ADGRG7: variants seen among roughly 807,000 people sequenced by gnomAD.
ADGRG7 encodes adhesion G protein-coupled receptor G7, also known as G-protein coupled receptor 128.
A neutral mutation model predicts 88.6 loss-of-function variants in ADGRG7; 82 were observed. That is an observed-to-expected ratio of 0.93 (90% CI 0.77 to 1.11). The LOEUF is 1.11. Ranked by LOEUF, ADGRG7 falls within the 50% of genes most tolerant of loss-of-function variation. ADGRG7 has a pLI of 0.00. For missense variants in ADGRG7, 945 were observed against 953.4 expected (o/e 0.99, Z 0.12); for synonymous variants, 381 against 345.2 (o/e 1.10, Z -1.15).
At chr3:100,612,463 T>C (rs1244082174) in intron 1 of ADGRG7, among the ~76,000 whole-genome samples, 2 of 152,216 alleles carry the variant, frequency 1.3e-5, no homozygotes, top group Non-Finnish European at 1.5e-5. Flanking sequence ...AGAAGCAGTA[T>C]AGCTTTTGGG....
intron 1 of ADGRG7, among the ~76,000 whole-genome samples, chr3:100,627,832 T>C (rs1207538745): frequency 6.6e-6 from 1 of 152,144 alleles, no homozygotes; most frequent in Non-Finnish European, 1.5e-5. Flanking sequence ...TTAACAAAAT[T>C]TGGGAAATTT....
In ADGRG7 at chr3:100,669,036, G is replaced by A; in HGVS notation, c.2067G>A (p.Leu689=). Residue 689 remains leucine (L), a synonymous_variant, in exon 15 of 16, where the codon CTG becomes CTA. Coordinates refer to ENST00000273352, the MANE Select transcript of ADGRG7 (RefSeq NM_032787.3). Reference sequence around the variant, plus strand: ...GAATTACCTGGATTCTAGCATACCTGATGCTAGTTAATGATGATAGCATCA... The same window carrying A: ...GAATTACCTGGATTCTAGCATACCTAATGCTAGTTAATGATGATAGCATCA... The part of the protein sequence containing the change: ...VFGITWILAY[L]MLVNDDSIRI... The A allele has an allele frequency of 6.2e-7, 1 of 1,602,194 alleles. No individual in the cohort carries two copies. Among genetic ancestry groups the A allele is most frequent in the Non-Finnish European group, 8.5e-7 (1 of 1,172,828 alleles).
At position 100,629,696 on chromosome 3, in the gene ADGRG7, C is replaced by A; in HGVS notation, c.214C>A (p.Leu72Met). ...RCICTEEWKG[L>M]RCTIANFCEN... ...TATTTGTACAGAAGAGTGGAAAGGACTGAGATGTACAATTGGTAAATTACT... is the reference window on the plus strand; with the variant it reads ...TATTTGTACAGAAGAGTGGAAAGGAATGAGATGTACAATTGGTAAATTACT... The change falls in exon 2 of 16, where the codon CTG (leucine) becomes ATG (methionine). Residue 72 changes from leucine to methionine, a missense_variant. By Grantham distance (15) the Leu-to-Met change is conservative. Coordinates refer to ENST00000273352, the MANE Select transcript of ADGRG7 (RefSeq NM_032787.3). 2 of 1,608,284 alleles carry A rather than the reference C, an allele frequency of 1.2e-6. No individual in the cohort carries two copies. The highest frequency in any genetic ancestry group is 1.7e-6 in the Non-Finnish European group (2 of 1,174,942).
chr3:100,665,233 A>T (rs1444957180), intron 14 of ADGRG7: 2 of 540,260 alleles, frequency 3.7e-6, no homozygotes, highest in Non-Finnish European at 7.6e-6. Context: ...GAGGATATGG[A>T]ACTCTCCCAT....
At position 100,609,666 on chromosome 3, in the gene ADGRG7, A is replaced by T; in HGVS notation, c.-191A>T. The T allele has an allele frequency of 6.1e-6, 3 of 494,202 alleles. No homozygotes were observed. The South Asian group carries it at 6.4e-5, about 11-fold the overall frequency. The allele number at this position is 494,202 out of a possible 1,614,324, so 30.6% of individuals were successfully genotyped here. ...GAAAGCAGAGTATGCACCTTTTATTAGGAGATTCAAACTGCATCCTACTGG... is the reference window on the plus strand; with the variant it reads ...GAAAGCAGAGTATGCACCTTTTATTTGGAGATTCAAACTGCATCCTACTGG... On this transcript the variant is annotated 5_prime_UTR_variant, in exon 1 of 16. Transcript: ENST00000273352.
intron 14 of ADGRG7, among the ~76,000 whole-genome samples, chr3:100,662,131 T>G (rs868006239): frequency 2.6e-5 from 4 of 152,322 alleles, no homozygotes; most frequent in Admixed American, 1.3e-4. Context: ...AAACATTTTT[T>G]TAAGTATACC....
At chr3:100,647,390 G>A (rs974397444) in intron 10 of ADGRG7, among the ~76,000 whole-genome samples, 6 of 152,154 alleles carry the variant, frequency 3.9e-5, no homozygotes, top group African/African-American at 1.2e-4. Flanking sequence ...CCAGAGACAG[G>A]TTCAATATTT....
intron 14 of ADGRG7, among the ~76,000 whole-genome samples, chr3:100,667,858 C>T (rs2094953782): frequency 6.6e-6 from 1 of 152,222 alleles, no homozygotes; most frequent in African/African-American, 2.4e-5. Flanking sequence ...GCTCCTGCAG[C>T]TAGTTCGGTG....
chr3:100,682,873 C>T (rs927198818), intron 15 of ADGRG7, among the ~76,000 whole-genome samples: 22 of 152,286 alleles, frequency 1.4e-4, no homozygotes, highest in African/African-American at 4.3e-4. Context: ...CAGCTGCTGA[C>T]CGAGGCATCT....
At chr3:100,672,878 G>C (rs1175642108) in intron 15 of ADGRG7, among the ~76,000 whole-genome samples, 1 of 152,118 alleles carries the variant, frequency 6.6e-6, no homozygotes, top group Non-Finnish European at 1.5e-5. Flanking sequence ...TGTGTATGTT[G>C]AGCCAGCCTT....
At chr3:100,618,899 G>T (rs1402689539) in intron 1 of ADGRG7, among the ~76,000 whole-genome samples, 2 of 152,136 alleles carry the variant, frequency 1.3e-5, no homozygotes, top group Admixed American at 6.6e-5. Context: ...TCACTGAGTA[G>T]TGGTTTGTAG....
At chr3:100,686,896 G>GT (rs1228559294) in intron 15 of ADGRG7, among the ~76,000 whole-genome samples, 1 of 152,154 alleles carries the variant, frequency 6.6e-6, no homozygotes, top group African/African-American at 2.4e-5. Context: ...CTTTAAAGTA[G>GT]TTTTTTCCAA....
chr3:100,678,959 G>T (rs2094969247), intron 15 of ADGRG7, among the ~76,000 whole-genome samples: 1 of 152,150 alleles, frequency 6.6e-6, no homozygotes, highest in African/African-American at 2.4e-5. Flanking sequence ...ACCACTGTGT[G>T]GCTACCACCT....
intron 1 of ADGRG7, among the ~76,000 whole-genome samples, chr3:100,627,031 T>A (rs1707388631): frequency 6.6e-6 from 1 of 152,230 alleles, no homozygotes; most frequent in Admixed American, 6.5e-5. Flanking sequence ...TGATATCATC[T>A]GCAATTCCTT....
chr3:100,679,301 C>T (rs758190172), intron 15 of ADGRG7, among the ~76,000 whole-genome samples: 93 of 152,316 alleles, frequency 6.1e-4, no homozygotes, highest in Non-Finnish European at 1.2e-3. Flanking sequence ...ACTCAAAGCC[C>T]AAAGGCTCTT....
chr3:100,653,942 C>T (rs1162530854), intron 11 of ADGRG7, among the ~76,000 whole-genome samples: 1 of 152,100 alleles, frequency 6.6e-6, no homozygotes, highest in African/African-American at 2.4e-5. Flanking sequence ...AAAGGTTAGG[C>T]TCGCAGACAC....
At chr3:100,636,578 G>C (rs1430476797) in intron 5 of ADGRG7, among the ~76,000 whole-genome samples, 1 of 151,962 alleles carries the variant, frequency 6.6e-6, no homozygotes, top group African/African-American at 2.4e-5. Flanking sequence ...TTGTGTATAG[G>C]TTGAATATCA....
chr3:100,623,170 A>C (rs959474918), intron 1 of ADGRG7, among the ~76,000 whole-genome samples: 1 of 152,166 alleles, frequency 6.6e-6, no homozygotes, highest in South Asian at 2.1e-4. Context: ...TTTAAAAAAC[A>C]ATCTTTAGCC....
chr3:100,659,885 T>A (rs1486499811), intron 14 of ADGRG7, 42 bp downstream of exon 14: 20 of 1,594,346 alleles, frequency 1.3e-5, no homozygotes, highest in Admixed American at 6.7e-5. Flanking sequence ...GCAAGGCTCA[T>A]CCAGCACTTA....
Sources: gnomAD v4.1 joint callset for allele counts (sites outside exome capture counted in the v4.1 genomes callset) on GRCh38, gnomAD v4.1.1 for gene constraint, MANE v1.5 for transcripts, NCBI Gene and HGNC (gene_info 2026-07-23, HGNC 2026-07-21) for gene names.